Variants in ANKIB1 observed in about 807,000 individuals in gnomAD.
The protein encoded by ANKIB1 is ankyrin repeat and IBR domain containing 1.
Under a neutral mutation model 122.1 loss-of-function variants are expected in ANKIB1, and 43 were observed. The observed-to-expected ratio is 0.35, with a 90% CI of 0.28 to 0.45. The LOEUF (loss-of-function observed/expected upper bound fraction) is 0.45. ANKIB1 is among the 20% of genes least tolerant of loss of function. ANKIB1 has a pLI of 1.00. For missense variants in ANKIB1, 992 were observed against 1,329.5 expected (o/e 0.75, Z 3.95); for synonymous variants, 390 against 442.0 (o/e 0.88, Z 1.48).
intron 3 of ANKIB1, among the ~76,000 whole-genome samples, chr7:92,316,676 A>G (rs912920519): frequency 6.6e-6 from 1 of 152,188 alleles, no homozygotes; most frequent in African/African-American, 2.4e-5. Flanking sequence ...CCCAGGTTCT[A>G]ATAATGGTCA....
chr7:92,394,375 C>T (rs1804845011), intron 17 of ANKIB1, among the ~76,000 whole-genome samples: 1 of 152,088 alleles, frequency 6.6e-6, no homozygotes, highest in African/African-American at 2.4e-5. Flanking sequence ...TCTTAGGAAT[C>T]CTTGGAAATT....
intron 11 of ANKIB1, among the ~76,000 whole-genome samples, chr7:92,372,586 G>GA (rs1370003115): frequency 6.6e-6 from 1 of 152,136 alleles, no homozygotes. Context: ...TATTGAAAAT[G>GA]AAAATGCCAA....
intron 1 of ANKIB1, among the ~76,000 whole-genome samples, chr7:92,248,721 T>G (rs901756112): frequency 6.6e-6 from 1 of 152,178 alleles, no homozygotes; most frequent in Admixed American, 6.5e-5. Flanking sequence ...GAGACCAGTC[T>G]GTGGGAGTTT....
intron 2 of ANKIB1, among the ~76,000 whole-genome samples, chr7:92,298,106 T>G (rs914701203): frequency 6.6e-6 from 1 of 152,018 alleles, no homozygotes; most frequent in Admixed American, 6.5e-5. Flanking sequence ...TTTAAAATCA[T>G]ATTATTATTA....
chr7:92,272,004 G>C (rs554225914), intron 1 of ANKIB1, among the ~76,000 whole-genome samples: 2 of 152,278 alleles, frequency 1.3e-5, no homozygotes, highest in South Asian at 2.1e-4. Context: ...AAATGGAATG[G>C]TAGTTACTAG....
At position 92,340,064 on chromosome 7, in the gene ANKIB1, C is replaced by T. The variant is rs1803403653; in HGVS notation, c.788-2960C>T. 2.6e-5 allele frequency among the ~76,000 whole-genome samples: 4 copies of T among 152,140 alleles called. No homozygotes were observed. The South Asian group carries it at 6.2e-4, about 24-fold the overall frequency. On this transcript the variant is annotated intron_variant, in intron 5 of 19. Coordinates refer to ENST00000265742, the MANE Select transcript of ANKIB1 (RefSeq NM_019004.2). Reference sequence around the variant, plus strand: ...CCTTAAAGAACATTAATTTGTGTCTCAAATGGGACCATTCTCTTTATTTGG... The same window carrying T: ...CCTTAAAGAACATTAATTTGTGTCTTAAATGGGACCATTCTCTTTATTTGG...
At chr7:92,355,844 G>A (rs911537391) in intron 9 of ANKIB1, among the ~76,000 whole-genome samples, 8 of 132,658 alleles carry the variant, frequency 6.0e-5, no homozygotes, top group Non-Finnish European at 1.3e-4. Context: ...GCGAGACTCC[G>A]TCTCATAATA....
intron 2 of ANKIB1, among the ~76,000 whole-genome samples, chr7:92,299,159 A>G (rs112253892): frequency 0.013 from 1,961 of 152,350 alleles, 25 homozygotes; most frequent in Non-Finnish European, 0.021. Flanking sequence ...TCAAGTGATT[A>G]TTAAAATCCA....
At chr7:92,301,215 A>G (rs1464395175) in intron 2 of ANKIB1, among the ~76,000 whole-genome samples, 2 of 152,164 alleles carry the variant, frequency 1.3e-5, no homozygotes, top group Non-Finnish European at 2.9e-5. Flanking sequence ...ACCCAGAAGT[A>G]AGATTCCTGG....
rs1771379859 is a variant in ANKIB1, at chr7:92,399,827, G to C, written c.*878G>C. ...GCAACAGCGGTGCTGTATTTTAAGAGACACTTTATTGGAAGTGCAATCATA... is the reference window on the plus strand; with the variant it reads ...GCAACAGCGGTGCTGTATTTTAAGACACACTTTATTGGAAGTGCAATCATA... On this transcript the variant is annotated 3_prime_UTR_variant, in exon 20 of 20. Coordinates refer to ENST00000265742, the MANE Select transcript of ANKIB1 (RefSeq NM_019004.2). 6.6e-6 allele frequency: 1 copy of C among 152,116 alleles called. No homozygotes were observed. The highest frequency in any genetic ancestry group is 1.5e-5 in the Non-Finnish European group (1 of 68,018). 9.4% of individuals were successfully genotyped at this position (152,116 alleles called of 1,614,324 possible).
chr7:92,296,069 G>C (rs1053583945), intron 2 of ANKIB1, among the ~76,000 whole-genome samples: 3 of 151,990 alleles, frequency 2.0e-5, no homozygotes, highest in Non-Finnish European at 2.9e-5. Context: ...CCTTTTTCCT[G>C]TTTCTTCCGT....
chr7:92,383,881 T>C (rs1804575757), intron 11 of ANKIB1, among the ~76,000 whole-genome samples: 1 of 152,180 alleles, frequency 6.6e-6, no homozygotes, highest in African/African-American at 2.4e-5. Context: ...GTGTTGGAAG[T>C]TCTGGCCAGG....
chr7:92,319,261 T>G lies in ANKIB1; in HGVS notation c.487-69T>G, dbSNP rs963860631. On this transcript the variant is annotated intron_variant, in intron 3 of 19. Coordinates refer to ENST00000265742, the MANE Select transcript of ANKIB1 (RefSeq NM_019004.2). The stretch of plus-strand genomic sequence containing the variant: ...TGTTAATTTTATTATATTTTTAATG[T>G]TTTAAAAATAGCATGAAATAACTTA... 6.9e-5 allele frequency: 66 copies of G among 960,470 alleles called. No homozygotes were observed. In the African/African-American group the frequency reaches 1.1e-3, roughly 16 times the overall value. The allele number at this position is 960,470 out of a possible 1,614,324, so 59.5% of individuals were successfully genotyped here.
chr7:92,389,447 C>T (rs910785248), intron 14 of ANKIB1, among the ~76,000 whole-genome samples: 1 of 151,936 alleles, frequency 6.6e-6, no homozygotes, highest in East Asian at 1.9e-4. Flanking sequence ...CTCATTCTTC[C>T]TCCCCTTCTT....
intron 17 of ANKIB1, among the ~76,000 whole-genome samples, chr7:92,394,946 A>G (rs908167427): frequency 3.9e-5 from 6 of 152,164 alleles, no homozygotes; most frequent in Non-Finnish European, 7.4e-5. Context: ...GTGATCCAAA[A>G]TTTGTCTTCA....
chr7:92,387,784 C>CT lies in ANKIB1; in HGVS notation c.1753-10dup, dbSNP rs913410353. 1.9e-6 allele frequency: 3 copies of CT among 1,595,804 alleles called. No homozygotes were observed. The highest frequency in any genetic ancestry group is 3.6e-5 in the Admixed American group (2 of 55,342). On this transcript the variant is annotated splice_polypyrimidine_tract_variant and intron_variant, in intron 12 of 19. Coordinates refer to ENST00000265742, the MANE Select transcript of ANKIB1 (RefSeq NM_019004.2). ...AGTTTTTATAAAAGTCATTTGTGGA[C>CT]TTTTGTTTTCTAGGCTGAGAAAAAA...
intron 5 of ANKIB1, among the ~76,000 whole-genome samples, chr7:92,328,537 C>G (rs1200981393): frequency 6.6e-6 from 1 of 152,116 alleles, no homozygotes; most frequent in Non-Finnish European, 1.5e-5. Flanking sequence ...GGAGCTCTCA[C>G]ATGCTGGATT....
At chr7:92,386,748 G>C in intron 12 of ANKIB1, 105 bp downstream of exon 12, 1 of 1,089,766 alleles carries the variant, frequency 9.2e-7, no homozygotes, top group Non-Finnish European at 1.2e-6. Context: ...GTATTAAATT[G>C]AATATACTTT....
intron 7 of ANKIB1, among the ~76,000 whole-genome samples, chr7:92,349,117 G>A (rs1803604670): frequency 6.6e-6 from 1 of 152,200 alleles, no homozygotes; most frequent in Non-Finnish European, 1.5e-5. Flanking sequence ...TGTTTATTGT[G>A]CCCAAGGTAA....
Sources: gnomAD v4.1 joint callset for allele counts (sites outside exome capture counted in the v4.1 genomes callset) on GRCh38, gnomAD v4.1.1 for gene constraint, MANE v1.5 for transcripts, NCBI Gene and HGNC (gene_info 2026-07-23, HGNC 2026-07-21) for gene names.